BAZ2B: variants seen among roughly 807,000 people sequenced by gnomAD.
BAZ2B encodes bromodomain adjacent to zinc finger domain protein 2B.
In BAZ2B, 91 loss-of-function variants were observed where a neutral mutation model predicts 246.0. The ratio of observed to expected loss-of-function variants is 0.37; its 90% CI spans 0.31 to 0.44. The LOEUF is 0.44. BAZ2B is among the 20% of genes least tolerant of loss of function. The probability of loss-of-function intolerance (pLI) is 1.00; values close to 1 mark genes in which losing one functional copy is unlikely to be tolerated. For synonymous variants in BAZ2B, 855 were observed against 860.0 expected, an observed-to-expected ratio of 0.99 and a Z score of 0.10; for missense variants, 2,332 against 2,533.7, an observed-to-expected ratio of 0.92 and a Z score of 1.71.
intron 20 of BAZ2B, among the ~76,000 whole-genome samples, chr2:159,393,385 T>A (rs72959361): frequency 1.1e-4 from 17 of 152,332 alleles, no homozygotes; most frequent in Non-Finnish European, 2.4e-4. Context: ...AGGATTTAAG[T>A]CATTACTTTA....
chr2:159,424,197 C>T (rs1270218084), intron 13 of BAZ2B, among the ~76,000 whole-genome samples: 1 of 151,948 alleles, frequency 6.6e-6, no homozygotes, highest in Non-Finnish European at 1.5e-5. Flanking sequence ...AATTCTTAAA[C>T]ATAAGAAAAA....
intron 27 of BAZ2B, among the ~76,000 whole-genome samples, chr2:159,355,400 A>G (rs2058996741): frequency 6.6e-6 from 1 of 152,186 alleles, no homozygotes; most frequent in South Asian, 2.1e-4. Flanking sequence ...AAGGAAGCAG[A>G]TTCTTATTAT....
At chr2:159,389,510 T>A (rs766381996) in intron 20 of BAZ2B, 25 bp from the exon 21 acceptor site, 1 of 1,548,516 alleles carries the variant, frequency 6.5e-7, no homozygotes, top group South Asian at 1.2e-5. Flanking sequence ...CATGTACACA[T>A]ATTCTTCTTA....
chr2:159,619,636 A>T (rs1696352287), upstream of BAZ2B, among the ~76,000 whole-genome samples: 2 of 151,564 alleles, frequency 1.3e-5, no homozygotes, highest in African/African-American at 2.4e-5. Context: ...TATTCAATTT[A>T]ATCTGTATTT....
At position 159,348,761 on chromosome 2, in the gene BAZ2B, C is replaced by G; in HGVS notation, c.5210G>C (p.Arg1737Thr). 6.2e-7 allele frequency: 1 copy of G among 1,613,506 alleles called. No individual in the cohort carries two copies. The highest frequency in any genetic ancestry group is 1.3e-5 in the African/African-American group (1 of 75,030). Residue 1737 changes from arginine to threonine, a missense_variant, in exon 30 of 37, where the codon AGA becomes ACA. This residue lies in a region of BAZ2B where 676 missense variants were observed against 668.6 expected (regional missense o/e 1.01). Coordinates refer to ENST00000392783, the MANE Select transcript of BAZ2B (RefSeq NM_013450.4). ...LKALLKVLHL[R>T]GIREKALQKQ... ...TTGTAATGCCTTTTCTCTTATTCCT[C>G]TGAGATGCAGCACTTTGAGCAAAGC...
chr2:159,430,868 T>G lies in BAZ2B; in HGVS notation c.2189A>C (p.His730Pro). Reference protein sequence around the residue: ...TSSSTLTSSPHSGTSKRRRVT... With the variant: ...TSSSTLTSSPPSGTSKRRRVT... Reference sequence around the variant, plus strand: ...TAAAAATAAAGTGTAGGTACCAGAGTGTGGGCTTGAAGTAAGTGTGGAAGA... The same window carrying G: ...TAAAAATAAAGTGTAGGTACCAGAGGGTGGGCTTGAAGTAAGTGTGGAAGA... The change falls in exon 10 of 37, where the codon CAC (histidine) becomes CCC (proline). Residue 730 changes from histidine (H) to proline (P), a missense_variant. Around this residue, in one of 9 missense-constraint regions of BAZ2B, gnomAD observed 651 missense variants for 650.9 expected, o/e 1.00. Transcript: ENST00000392783. The G allele has an allele frequency of 6.2e-7, 1 of 1,612,866 alleles. No homozygotes were observed. The highest frequency in any genetic ancestry group is 2.2e-5 in the East Asian group (1 of 44,856).
At chr2:159,325,564 CA>C in intron 35 of BAZ2B, 88 bp downstream of exon 35, 1 of 1,367,946 alleles carries the variant, frequency 7.3e-7, no homozygotes, top group Non-Finnish European at 9.9e-7. Context: ...CATAAATTAT[CA>C]GAAAGAAAGC....
intron 27 of BAZ2B, among the ~76,000 whole-genome samples, chr2:159,354,291 C>G (rs1200008894): frequency 1.3e-5 from 2 of 152,020 alleles, no homozygotes; most frequent in African/African-American, 2.4e-5. Context: ...AAAGTCATGG[C>G]TATCTTTGAC....
intron 20 of BAZ2B, among the ~76,000 whole-genome samples, chr2:159,391,801 T>C (rs749760276): frequency 1.6e-4 from 25 of 152,208 alleles, no homozygotes; most frequent in Non-Finnish European, 1.8e-4. Flanking sequence ...AAAATGGAGA[T>C]TTCCAAAAAA....
intron 2 of BAZ2B, among the ~76,000 whole-genome samples, chr2:159,497,781 G>A (rs2081317465): frequency 6.6e-6 from 1 of 152,176 alleles, no homozygotes; most frequent in African/African-American, 2.4e-5. Flanking sequence ...ACTGTTCCCT[G>A]CCAACGAAAG....
At position 159,496,355 on chromosome 2, in the gene BAZ2B, T is replaced by A. The variant is rs188631194; in HGVS notation, c.-2-17634A>T. Among the ~76,000 whole-genome samples, 326 of 119,478 alleles carry A rather than the reference T, an allele frequency of 2.7e-3. 1 individual carries two copies. The highest frequency in any genetic ancestry group is 6.0e-3 in the Middle Eastern group (1 of 166). 78.4% of individuals were successfully genotyped at this position (119,478 alleles called of 152,430 possible). A position where few individuals can be genotyped will look rare whatever the true frequency, so the allele number is the denominator to read the frequency against. Reference sequence around the variant, plus strand: ...TGCACCACTGCACTCTCCAGCCTGGTGATAGAGCAAGACTCCATCTAAAAA... The same window carrying A: ...TGCACCACTGCACTCTCCAGCCTGGAGATAGAGCAAGACTCCATCTAAAAA... On this transcript the variant is annotated intron_variant, in intron 2 of 36. Transcript: ENST00000392783.
At chr2:159,663,120 T>C in the BAZ2B span, among the ~76,000 whole-genome samples, 2 of 152,140 alleles carry the variant, frequency 1.3e-5, no homozygotes, top group African/African-American at 2.4e-5. Context: ...TTTTACCTTT[T>C]TGATGGTGAC....
intron 31 of BAZ2B, among the ~76,000 whole-genome samples, chr2:159,343,942 C>T (rs1038405415): frequency 3.4e-5 from 5 of 146,622 alleles, no homozygotes; most frequent in South Asian, 2.2e-4. Flanking sequence ...AGCAGAATGG[C>T]GGGAACCCGG....
intron 21 of BAZ2B, among the ~76,000 whole-genome samples, chr2:159,388,925 A>C (rs1045423032): frequency 6.6e-6 from 1 of 152,032 alleles, no homozygotes; most frequent in African/African-American, 2.4e-5. Flanking sequence ...ACAAAAACCC[A>C]AAAAACTAGC....
intron 31 of BAZ2B, among the ~76,000 whole-genome samples, chr2:159,343,693 G>A (rs1400892145): frequency 6.7e-6 from 1 of 149,852 alleles, no homozygotes; most frequent in Non-Finnish European, 1.5e-5. Context: ...AAGCCACAAT[G>A]AGATATTATC....
At chr2:159,323,109 T>C (rs1441394803) in intron 36 of BAZ2B, among the ~76,000 whole-genome samples, 1 of 151,540 alleles carries the variant, frequency 6.6e-6, no homozygotes, top group Non-Finnish European at 1.5e-5. Context: ...GCCTCATCCC[T>C]GAGTAGCTGG....
At chr2:159,483,983 G>A (rs1271105793) in intron 2 of BAZ2B, among the ~76,000 whole-genome samples, 1 of 152,070 alleles carries the variant, frequency 6.6e-6, no homozygotes, top group East Asian at 1.9e-4. Flanking sequence ...GATGTTTCCT[G>A]TAGCCTAAAG....
intron 22 of BAZ2B, among the ~76,000 whole-genome samples, 165 bp from the exon 23 acceptor site, chr2:159,385,534 C>A (rs1422942071): frequency 2.6e-5 from 4 of 151,514 alleles, no homozygotes; most frequent in Non-Finnish European, 5.9e-5. Flanking sequence ...AGAAGACAGA[C>A]AAATATTCAA....
intron 1 of BAZ2B, among the ~76,000 whole-genome samples, chr2:159,610,782 C>T (rs1243558228): frequency 6.6e-6 from 1 of 151,984 alleles, no homozygotes; most frequent in African/African-American, 2.4e-5. Flanking sequence ...AATTGAAATA[C>T]TCTTACCTTA....
Sources: allele counts gnomAD v4.1 joint callset (sites outside exome capture counted in the v4.1 genomes callset), GRCh38; gene constraint gnomAD v4.1.1; regional missense constraint gnomAD v4.1.1; transcripts MANE v1.5; gene names NCBI Gene and HGNC (gene_info 2026-07-23, HGNC 2026-07-21).